The following AUTS2 variants were observed in gnomAD, a reference collection of about 807,000 sequenced individuals.
AUTS2 encodes activator of transcription and developmental regulator AUTS2.
AUTS2 carries 17 observed loss-of-function variants against 112.4 expected under a neutral mutation model. The observed-to-expected ratio is 0.15, with a 90% confidence interval of 0.10 to 0.23. AUTS2 has a LOEUF of 0.23. AUTS2 is among the 10% of genes least tolerant of loss of function. AUTS2 has a pLI of 1.00. For synonymous variants in AUTS2, 751 were observed against 702.7 expected (o/e 1.07, Z -1.09); for missense variants, 1,510 against 1,701.6 (o/e 0.89, Z 1.98).
At chr7:70,702,088 G>A (rs1809490485) in intron 6 of AUTS2, among the ~76,000 whole-genome samples, 2 of 152,218 alleles carry the variant, frequency 1.3e-5, no homozygotes, top group South Asian at 2.1e-4. Context: ...GTAGACAAAA[G>A]TGCAGAAAAT....
At chr7:70,382,529 T>TC (rs1793416156) in intron 4 of AUTS2, among the ~76,000 whole-genome samples, 1 of 152,166 alleles carries the variant, frequency 6.6e-6, no homozygotes, top group Non-Finnish European at 1.5e-5. Context: ...GGCGCCACCC[T>TC]CCCTTTCAAA....
intron 5 of AUTS2, among the ~76,000 whole-genome samples, chr7:70,693,776 G>T (rs906288564): frequency 6.6e-6 from 1 of 152,240 alleles, no homozygotes; most frequent in Non-Finnish European, 1.5e-5. Flanking sequence ...CTGCCATGGC[G>T]CAATCTTGGA....
At chr7:69,799,504 G>A (rs1291267006) in intron 1 of AUTS2, among the ~76,000 whole-genome samples, 1 of 152,096 alleles carries the variant, frequency 6.6e-6, no homozygotes, top group Non-Finnish European at 1.5e-5. Flanking sequence ...GACAGGCAGG[G>A]AAGTGTCATT....
chr7:70,088,739 A>G (rs1163119686), intron 2 of AUTS2, among the ~76,000 whole-genome samples: 2 of 151,866 alleles, frequency 1.3e-5, no homozygotes, highest in African/African-American at 2.4e-5. Flanking sequence ...CAGCCTCCCA[A>G]GTAGCTGAGA....
intron 4 of AUTS2, among the ~76,000 whole-genome samples, chr7:70,203,096 A>C (rs2129585397): frequency 6.8e-6 from 1 of 146,606 alleles, no homozygotes; most frequent in East Asian, 2.0e-4. Context: ...TCGCAAGAAC[A>C]AAAAACCAAA....
At chr7:70,273,155 C>A (rs1249823354) in intron 4 of AUTS2, among the ~76,000 whole-genome samples, 1 of 152,068 alleles carries the variant, frequency 6.6e-6, no homozygotes, top group African/African-American at 2.4e-5. Flanking sequence ...CTCAAACAAT[C>A]CTCCCACCTC....
intron 5 of AUTS2, among the ~76,000 whole-genome samples, chr7:70,514,346 G>C (rs1001724329): frequency 2.0e-5 from 3 of 152,216 alleles, no homozygotes; most frequent in African/African-American, 7.2e-5. Flanking sequence ...AAGAAAAGAG[G>C]TTTATTCGGC....
At chr7:70,405,141 G>A (rs1241827496) in intron 4 of AUTS2, among the ~76,000 whole-genome samples, 1 of 152,140 alleles carries the variant, frequency 6.6e-6, no homozygotes, top group Non-Finnish European at 1.5e-5. Context: ...ACAGGAGAGA[G>A]GAAAGATACT....
chr7:70,322,359 T>C (rs1790294001), intron 4 of AUTS2, among the ~76,000 whole-genome samples: 1 of 152,158 alleles, frequency 6.6e-6, no homozygotes. Flanking sequence ...AAGGCTATTC[T>C]TTACTGTCAA....
intron 17 of AUTS2, 85 bp from the exon 18 acceptor site, chr7:70,787,124 T>C: frequency 7.7e-7 from 1 of 1,302,382 alleles, no homozygotes. Flanking sequence ...CTGAATGCTG[T>C]TAAAAGTTTT....
intron 1 of AUTS2, among the ~76,000 whole-genome samples, chr7:69,626,678 A>G (rs911003065): frequency 6.6e-6 from 1 of 152,224 alleles, no homozygotes; most frequent in South Asian, 2.1e-4. Flanking sequence ...TAATTACTGA[A>G]CAGTGATTGT....
chr7:70,203,344 T>TTAAA (rs1453777184), intron 4 of AUTS2, among the ~76,000 whole-genome samples: 1 of 110,610 alleles, frequency 9.0e-6, no homozygotes, highest in Non-Finnish European at 1.8e-5. Context: ...TAGAGTATAA[T>TTAAA]AAAAAAAAAA....
At chr7:70,070,452 G>A (rs1802704943) in intron 2 of AUTS2, among the ~76,000 whole-genome samples, 1 of 151,304 alleles carries the variant, frequency 6.6e-6, no homozygotes, top group Non-Finnish European at 1.5e-5. Flanking sequence ...GGTGGTGCAT[G>A]CCTGTAATTC....
intron 1 of AUTS2, among the ~76,000 whole-genome samples, chr7:69,652,899 C>G (rs924794959): frequency 6.6e-6 from 1 of 152,146 alleles, no homozygotes; most frequent in South Asian, 2.1e-4. Context: ...GACTACTACA[C>G]ACTGGATTGG....
chr7:69,867,300 A>G (rs534886615), intron 1 of AUTS2, among the ~76,000 whole-genome samples: 4 of 152,244 alleles, frequency 2.6e-5, no homozygotes, highest in African/African-American at 7.2e-5. Flanking sequence ...AATTCATCAC[A>G]AGGGTGGATT....
At chr7:70,776,724 T>C (rs1790719740) in intron 13 of AUTS2, 1 of 323,448 alleles carries the variant, frequency 3.1e-6, no homozygotes, top group Non-Finnish European at 5.9e-6. Context: ...AACAGCTGAT[T>C]TGCATTATAG....
chr7:70,360,581 T>G (rs1222972112), intron 4 of AUTS2, among the ~76,000 whole-genome samples: 2 of 152,208 alleles, frequency 1.3e-5, no homozygotes, highest in Non-Finnish European at 2.9e-5. Flanking sequence ...CGGCTCATGG[T>G]GGCCTTCTCA....
chr7:70,335,583 A>C (rs1790951523), intron 4 of AUTS2, among the ~76,000 whole-genome samples: 1 of 152,212 alleles, frequency 6.6e-6, no homozygotes. Context: ...ACTTGGTACA[A>C]ATGTTAATGG....
rs1049418885 is a variant in AUTS2, at chr7:70,086,182, G to A, written c.523-31950G>A. ...TGTGTATGAATTTTAGAATCACTTT[G>A]TAAATGTAAATTTCTTCAAAAAGAC... On this transcript the variant is annotated intron_variant, in intron 2 of 18. Transcript: ENST00000342771. Among the ~76,000 whole-genome samples, 5 of 152,086 alleles carry A rather than the reference G, an allele frequency of 3.3e-5. No individual in the cohort carries two copies. The East Asian group carries it at 7.7e-4, about 23-fold the overall frequency.
Sources: allele counts gnomAD v4.1 joint callset (sites outside exome capture counted in the v4.1 genomes callset), GRCh38; gene constraint gnomAD v4.1.1; transcripts MANE v1.5; gene names NCBI Gene and HGNC (gene_info 2026-07-23, HGNC 2026-07-21).